CSGALNACT1: variants seen among roughly 807,000 people sequenced by gnomAD.
CSGALNACT1 encodes the protein beta4GalNAcT-1.
CSGALNACT1 carries 52 observed loss-of-function variants against 51.0 expected under a neutral mutation model. The ratio of observed to expected loss-of-function variants is 1.02; its 90% CI spans 0.82 to 1.29. CSGALNACT1 has a LOEUF of 1.29. Ranked by LOEUF, CSGALNACT1 falls within the 50% of genes most tolerant of loss-of-function variation. CSGALNACT1 has a pLI of 0.00. For synonymous variants in CSGALNACT1, 341 were observed against 254.4 expected (o/e 1.34, Z -3.24); for missense variants, 935 against 679.2 (o/e 1.38, Z -4.19).
chr8:19,425,543 C>T (rs1308132476), intron 6 of CSGALNACT1, among the ~76,000 whole-genome samples: 1 of 152,088 alleles, frequency 6.6e-6, no homozygotes, highest in African/African-American at 2.4e-5. Context: ...GCATGTAAAA[C>T]AGAGAATTAC....
chr8:19,603,978 A>G (rs1049102791), upstream of CSGALNACT1, among the ~76,000 whole-genome samples: 7 of 152,194 alleles, frequency 4.6e-5, no homozygotes, highest in Admixed American at 1.3e-4. Context: ...AGTGTGTGGT[A>G]CTAGCAATAC....
chr8:19,485,759 CTTTTTTTT>C (rs386412239), intron 4 of CSGALNACT1, among the ~76,000 whole-genome samples: 65 of 38,516 alleles, frequency 1.7e-3, no homozygotes, highest in African/African-American at 6.4e-3. Context: ...CCTCAGCTTG[CTTTTTTTT>C]TTTTTTTTTT....
In CSGALNACT1 at chr8:19,564,274, G is replaced by A. The variant is rs1205123212; in HGVS notation, c.-297+26886C>T. Among the ~76,000 whole-genome samples the A allele has an allele frequency of 2.0e-5, 3 of 152,140 alleles. No homozygotes were observed. In the East Asian group the frequency reaches 5.8e-4, roughly 29 times the overall value. On this transcript the variant is annotated intron_variant, in intron 3 of 9. Transcript: ENST00000454498. ...TTCAATATCCTGAATTACCCATGCT[G>A]GTTTCCTGTTAGATTAGAATCCCTC...
intron 6 of CSGALNACT1, among the ~76,000 whole-genome samples, chr8:19,436,890 G>A (rs1052678973): frequency 3.3e-5 from 5 of 152,178 alleles, no homozygotes; most frequent in Admixed American, 1.3e-4. Flanking sequence ...TAGTCTGGGC[G>A]ACAGAGCAAG....
At position 19,578,675 on chromosome 8, in the gene CSGALNACT1, C is replaced by A. The variant is rs556573462; in HGVS notation, c.-297+12485G>T. Among the ~76,000 whole-genome samples the A allele has an allele frequency of 9.2e-5, 14 of 152,138 alleles. No individual in the cohort carries two copies. In the South Asian group the frequency reaches 2.9e-3, roughly 32 times the overall value. On this transcript the variant is annotated intron_variant, in intron 3 of 9. Transcript: ENST00000454498. Reference sequence around the variant, plus strand: ...TACCCACCTCCCTCTAGACCTATACCAAGTTTCTTAAAAAGGCACTGACCC... The same window carrying A: ...TACCCACCTCCCTCTAGACCTATACAAAGTTTCTTAAAAAGGCACTGACCC...
intron 1 of CSGALNACT1, among the ~76,000 whole-genome samples, chr8:19,659,539 G>A (rs1292638042): frequency 6.6e-6 from 1 of 152,170 alleles, no homozygotes; most frequent in Non-Finnish European, 1.5e-5. Context: ...CAGAGTTTCT[G>A]TCTCTGTACT....
At chr8:19,437,485 G>C (rs1393598309) in intron 6 of CSGALNACT1, among the ~76,000 whole-genome samples, 1 of 152,040 alleles carries the variant, frequency 6.6e-6, no homozygotes, top group Non-Finnish European at 1.5e-5. Context: ...GCAGAGGTCT[G>C]GGCATTCCTA....
chr8:19,626,995 A>G (rs933327836), intron 1 of CSGALNACT1, among the ~76,000 whole-genome samples: 4 of 152,232 alleles, frequency 2.6e-5, no homozygotes, highest in Admixed American at 6.5e-5. Flanking sequence ...ACAATTTGAC[A>G]GTTTTTTAAA....
intron 3 of CSGALNACT1, among the ~76,000 whole-genome samples, chr8:19,537,127 G>A (rs534855158): frequency 1.3e-5 from 2 of 152,270 alleles, no homozygotes; most frequent in Admixed American, 1.3e-4. Context: ...CCTTTAAGCA[G>A]AATTCTTTCC....
intron 1 of CSGALNACT1, among the ~76,000 whole-genome samples, chr8:19,640,619 G>A (rs1475908756): frequency 6.6e-6 from 1 of 152,154 alleles, no homozygotes; most frequent in African/African-American, 2.4e-5. Flanking sequence ...TTCTAACAGG[G>A]AAGCACTATA....
intron 1 of CSGALNACT1, among the ~76,000 whole-genome samples, chr8:19,668,021 AAAGT>A (rs1228230403): frequency 2.0e-5 from 3 of 152,240 alleles, no homozygotes; most frequent in Non-Finnish European, 2.9e-5. Context: ...AAGAAGCTAG[AAAGT>A]AAGAATATAA....
At chr8:19,435,170 G>C (rs972542845) in intron 6 of CSGALNACT1, among the ~76,000 whole-genome samples, 2 of 152,138 alleles carry the variant, frequency 1.3e-5, no homozygotes, top group African/African-American at 2.4e-5. Flanking sequence ...TTACAATGTG[G>C]TCAATGCCAA....
At chr8:19,409,631 G>T (rs1233276795) in intron 8 of CSGALNACT1, among the ~76,000 whole-genome samples, 1 of 152,160 alleles carries the variant, frequency 6.6e-6, no homozygotes, top group Admixed American at 6.5e-5. Context: ...GTTAACATAG[G>T]TGCTTAGGTG....
At chr8:19,678,438 T>C (rs1188853397) in intron 1 of CSGALNACT1, 6 of 152,126 alleles carry the variant, frequency 3.9e-5, no homozygotes, top group African/African-American at 1.2e-4. Context: ...TACAGAAAGG[T>C]AGAACTCATT....
intron 3 of CSGALNACT1, among the ~76,000 whole-genome samples, chr8:19,536,351 A>AC (rs1054725539): frequency 5.4e-4 from 61 of 112,338 alleles, no homozygotes; most frequent in Middle Eastern, 4.4e-3. Context: ...ATGTTAAAAA[A>AC]AACAAATGCA....
chr8:19,482,002 A>T (rs1401025295), intron 4 of CSGALNACT1, among the ~76,000 whole-genome samples: 2 of 152,178 alleles, frequency 1.3e-5, no homozygotes, highest in Non-Finnish European at 2.9e-5. Flanking sequence ...GGACATAGGC[A>T]AACACACCGA....
At chr8:19,429,041 T>A (rs2059252186) in intron 6 of CSGALNACT1, among the ~76,000 whole-genome samples, 1 of 152,148 alleles carries the variant, frequency 6.6e-6, no homozygotes. Context: ...GGAAATCCTA[T>A]ACCCAAGAAA....
intron 1 of CSGALNACT1, among the ~76,000 whole-genome samples, chr8:19,756,516 G>A (rs1157582890): frequency 6.6e-6 from 1 of 152,074 alleles, no homozygotes; most frequent in African/African-American, 2.4e-5. Context: ...GAAGTGCGAC[G>A]GAAACAAACA....
At chr8:19,510,103 C>T (rs555627053) in intron 3 of CSGALNACT1, among the ~76,000 whole-genome samples, 1 of 152,198 alleles carries the variant, frequency 6.6e-6, no homozygotes, top group South Asian at 2.1e-4. Flanking sequence ...CTTGACACTG[C>T]CATTTTTAAA....
Sources: gnomAD v4.1 joint callset for allele counts (sites outside exome capture counted in the v4.1 genomes callset) on GRCh38, gnomAD v4.1.1 for gene constraint, MANE v1.5 for transcripts, NCBI Gene and HGNC (gene_info 2026-07-23, HGNC 2026-07-21) for gene names.